Variants in EYS observed in about 807,000 individuals in gnomAD.
The protein encoded by EYS is EGF-like photoreceptor maintenance factor.
A neutral mutation model predicts 282.1 loss-of-function variants in EYS; 250 were observed. The observed-to-expected ratio is 0.89, with a 90% CI of 0.80 to 0.98. The LOEUF (loss-of-function observed/expected upper bound fraction) is 0.98, where lower values mean the gene tolerates loss of function less well. Ranked by LOEUF, EYS falls within the 50% of genes least tolerant of loss-of-function variation. The pLI, the probability that EYS is intolerant of heterozygous loss-of-function variation, is 0.00. For synonymous variants in EYS, 1,355 were observed against 1,282.9 expected, an observed-to-expected ratio of 1.06 and a Z score of -1.20; for missense variants, 4,016 against 3,709.0, an observed-to-expected ratio of 1.08 and a Z score of -2.15.
chr6:65,270,875 T>A (rs1767880606), intron 12 of EYS, among the ~76,000 whole-genome samples: 1 of 151,826 alleles, frequency 6.6e-6, no homozygotes, highest in Admixed American at 6.6e-5. Flanking sequence ...GTGTTCTATA[T>A]ATGATTTATG....
At chr6:63,974,590 C>T (rs1042567733) in intron 35 of EYS, among the ~76,000 whole-genome samples, 1 of 151,862 alleles carries the variant, frequency 6.6e-6, no homozygotes, top group Non-Finnish European at 1.5e-5. Context: ...TTTTCTTCCC[C>T]CTACTTGTTT....
intron 26 of EYS, among the ~76,000 whole-genome samples, chr6:64,516,741 C>T (rs963393752): frequency 6.6e-6 from 1 of 151,710 alleles, no homozygotes; most frequent in Non-Finnish European, 1.5e-5. Context: ...AAAATGGTTT[C>T]ATAGATGTTT....
At chr6:63,879,004 C>T (rs2149717273) in intron 35 of EYS, among the ~76,000 whole-genome samples, 1 of 152,276 alleles carries the variant, frequency 6.6e-6, no homozygotes, top group East Asian at 1.9e-4. Flanking sequence ...CCCGGTACTT[C>T]AGGTGCAACT....
intron 31 of EYS, among the ~76,000 whole-genome samples, chr6:64,127,812 A>G (rs1773833960): frequency 6.6e-6 from 1 of 152,164 alleles, no homozygotes; most frequent in Non-Finnish European, 1.5e-5. Context: ...AGGAATCTTG[A>G]CCATCAATGA....
chr6:64,637,852 G>T lies in EYS; in HGVS notation c.3444-11607C>A, dbSNP rs1346462492. Reference sequence around the variant, plus strand: ...TGTGTAGCAAACCACCATGACACACGTTTACCTTTGTAACAAACCTGCATG... The same window carrying T: ...TGTGTAGCAAACCACCATGACACACTTTTACCTTTGTAACAAACCTGCATG... On this transcript the variant is annotated intron_variant, in intron 22 of 42. Transcript: ENST00000503581. Among the ~76,000 whole-genome samples the T allele has an allele frequency of 2.2e-5, 2 of 90,442 alleles. 1 individual carries two copies. Among genetic ancestry groups the T allele is most frequent in the Non-Finnish European group, 4.8e-5 (2 of 42,072 alleles). The allele number at this position is 90,442 out of a possible 152,430, so 59.3% of individuals were successfully genotyped here. A position where few individuals can be genotyped will look rare whatever the true frequency, so the allele number is the denominator to read the frequency against.
chr6:63,965,560 T>C (rs1406070926), intron 35 of EYS, among the ~76,000 whole-genome samples: 2 of 152,198 alleles, frequency 1.3e-5, no homozygotes, highest in Non-Finnish European at 2.9e-5. Context: ...AAGAGTCATC[T>C]GGTAATGTAA....
rs559764361 is a variant in EYS, at chr6:64,432,474, T to C, written c.5927+3700A>G. Among the ~76,000 whole-genome samples the C allele has an allele frequency of 1.8e-4, 27 of 151,626 alleles. No homozygotes were observed. The South Asian group carries it at 5.4e-3, about 30-fold the overall frequency. ...GTGACTTTAAATGGAAAAAGGCCCATAATACACTTGTTATTAAAGGCAAAC... is the reference window on the plus strand; with the variant it reads ...GTGACTTTAAATGGAAAAAGGCCCACAATACACTTGTTATTAAAGGCAAAC... On this transcript the variant is annotated intron_variant, in intron 28 of 42. Transcript: ENST00000503581.
intron 29 of EYS, among the ~76,000 whole-genome samples, chr6:64,338,847 G>C (rs1400112276): frequency 6.6e-6 from 1 of 151,914 alleles, no homozygotes; most frequent in African/African-American, 2.4e-5. Flanking sequence ...ACAGCCAACT[G>C]ATCTTCAACA....
intron 29 of EYS, among the ~76,000 whole-genome samples, chr6:64,384,261 A>T (rs1293690397): frequency 6.6e-6 from 1 of 152,292 alleles, no homozygotes; most frequent in East Asian, 1.9e-4. Context: ...AAATGGATTC[A>T]CTAGAAATTA....
At chr6:65,289,881 G>T (rs1367741173) in intron 12 of EYS, among the ~76,000 whole-genome samples, 2 of 150,878 alleles carry the variant, frequency 1.3e-5, no homozygotes, top group Non-Finnish European at 1.5e-5. Context: ...ATACCAAAAA[G>T]CAATGATTAG....
At chr6:64,641,666 T>C (rs1468105363) in intron 22 of EYS, among the ~76,000 whole-genome samples, 2 of 152,174 alleles carry the variant, frequency 1.3e-5, no homozygotes, top group Non-Finnish European at 2.9e-5. Context: ...GGCAGAGGTC[T>C]CCAACACCCA....
At chr6:65,032,554 T>G (rs1004357594) in intron 13 of EYS, among the ~76,000 whole-genome samples, 1 of 152,208 alleles carries the variant, frequency 6.6e-6, no homozygotes, top group Non-Finnish European at 1.5e-5. Context: ...GTGACATGCC[T>G]ATTCCTCTTT....
intron 31 of EYS, among the ~76,000 whole-genome samples, chr6:64,205,814 TA>T (rs1765592147): frequency 7.3e-6 from 1 of 136,282 alleles, no homozygotes; most frequent in African/African-American, 2.7e-5. Context: ...TAGGCATTCA[TA>T]CACACACACA....
intron 28 of EYS, among the ~76,000 whole-genome samples, chr6:64,396,434 TG>T (rs1391593534): frequency 6.6e-6 from 1 of 152,122 alleles, no homozygotes; most frequent in Non-Finnish European, 1.5e-5. Flanking sequence ...TTTTTAATGG[TG>T]TTTTTTAATA....
At position 65,704,748 on chromosome 6, in the gene EYS, T is replaced by C. The variant is rs1427503141; in HGVS notation, c.-448+2387A>G. Among the ~76,000 whole-genome samples, 3 of 152,292 alleles carry C rather than the reference T, an allele frequency of 2.0e-5. No individual in the cohort carries two copies. The East Asian group carries it at 5.8e-4, about 29-fold the overall frequency. On this transcript the variant is annotated intron_variant, in intron 1 of 42. Transcript: ENST00000503581. ...TATTTTGATCATTAGAAAATGCACTTGGTGAAAATAAGCATAACACTGAAA... is the reference window on the plus strand; with the variant it reads ...TATTTTGATCATTAGAAAATGCACTCGGTGAAAATAAGCATAACACTGAAA...
intron 22 of EYS, among the ~76,000 whole-genome samples, chr6:64,698,230 G>C (rs1330411074): frequency 6.6e-6 from 1 of 151,656 alleles, no homozygotes; most frequent in African/African-American, 2.4e-5. Context: ...CTACATGAAA[G>C]AAATAGATTA....
intron 2 of EYS, among the ~76,000 whole-genome samples, chr6:65,638,695 GCTGTGCGCAGT>G (rs1767175416): frequency 6.6e-6 from 1 of 152,214 alleles, no homozygotes; most frequent in African/African-American, 2.4e-5. Context: ...AGCATGCCTG[GCTGTGCGCAGT>G]GGGTGGACCC....
intron 36 of EYS, among the ~76,000 whole-genome samples, chr6:63,827,884 A>C (rs1582249432): frequency 6.6e-6 from 1 of 151,306 alleles, no homozygotes; most frequent in East Asian, 1.9e-4. Flanking sequence ...AATTACATCA[A>C]GCACTCTCTC....
intron 6 of EYS, among the ~76,000 whole-genome samples, chr6:65,404,315 G>A (rs9363356): frequency 0.48 from 72,978 of 151,886 alleles, 17,831 homozygotes; most frequent in South Asian, 0.54. Context: ...AGCAGCCTTT[G>A]TTCCATCTGC....
Sources: gnomAD v4.1 joint callset for allele counts (sites outside exome capture counted in the v4.1 genomes callset) on GRCh38, gnomAD v4.1.1 for gene constraint, MANE v1.5 for transcripts, NCBI Gene and HGNC (gene_info 2026-07-23, HGNC 2026-07-21) for gene names.